The following RUVBL1 variants were observed in gnomAD, a reference collection of about 807,000 sequenced individuals.
The protein encoded by RUVBL1 is ruvB-like 1.
In RUVBL1, 4 loss-of-function variants were observed where a neutral mutation model predicts 52.4. That is an observed-to-expected ratio of 0.08 (90% CI 0.04 to 0.17). The LOEUF (loss-of-function observed/expected upper bound fraction) is 0.17, where lower values mean the gene tolerates loss of function less well. Ranked by LOEUF, RUVBL1 falls within the 10% of genes least tolerant of loss-of-function variation. The pLI is 1.00. For missense variants in RUVBL1, 298 were observed against 572.8 expected, an observed-to-expected ratio of 0.52 and a Z score of 4.90; for synonymous variants, 217 against 214.4, an observed-to-expected ratio of 1.01 and a Z score of -0.10.
At position 128,082,951 on chromosome 3, in the gene RUVBL1, C is replaced by G. The variant is rs1942524672; in HGVS notation, c.1120-377G>C. On this transcript the variant is annotated intron_variant, in intron 9 of 10. Coordinates refer to ENST00000322623, the MANE Select transcript of RUVBL1 (RefSeq NM_003707.3). The surrounding 1 kb of genome is among the most constrained non-coding windows in gnomAD (Gnocchi z 4.7). Reference sequence around the variant, plus strand: ...CCTACCCGGGGCTCCTGCAAGGGCTCTAACCTTCCTCTCCAGCATGGGCAC... The same window carrying G: ...CCTACCCGGGGCTCCTGCAAGGGCTGTAACCTTCCTCTCCAGCATGGGCAC... The G allele has an allele frequency of 5.8e-6, 1 of 172,158 alleles. No homozygotes were observed. Among genetic ancestry groups the G allele is most frequent in the African/African-American group, 2.4e-5 (1 of 41,812 alleles). 10.7% of individuals were successfully genotyped at this position (172,158 alleles called of 1,614,324 possible). A position where few individuals can be genotyped will look rare whatever the true frequency, so the allele number is the denominator to read the frequency against.
At chr3:128,069,391 C>A (rs1047206060) in intron 9 of RUVBL1, 4 of 1,312,506 alleles carry the variant, frequency 3.0e-6, no homozygotes, top group Non-Finnish European at 4.2e-6. Flanking sequence ...GCATTAGGTC[C>A]CAAAGTCTCA....
At chr3:128,148,420 C>G (rs1944135790) in intron 1 of RUVBL1, among the ~76,000 whole-genome samples, 1 of 152,154 alleles carries the variant, frequency 6.6e-6, no homozygotes, top group Admixed American at 6.5e-5. Context: ...TGGGAGGATG[C>G]AGTTCTCATT....
In RUVBL1 at chr3:128,067,022, G is replaced by C; in HGVS notation, c.940-1802C>G. The C allele has an allele frequency of 6.2e-7, 1 of 1,614,208 alleles. No individual in the cohort carries two copies. Among genetic ancestry groups the C allele is most frequent in the Non-Finnish European group, 8.5e-7 (1 of 1,180,038 alleles). ...GCCAGTACAACACCTATCCCATCAA[G>C]CTCTTCTATACGTCCAACATCCCCA... On this transcript the variant is annotated intron_variant, in intron 9 of 9. Transcript: ENST00000464873. This position sits in a 1 kb window ranked among gnomAD's most constrained non-coding sequence, Gnocchi z 4.1.
At chr3:128,147,013 A>T (rs932420441) in intron 1 of RUVBL1, among the ~76,000 whole-genome samples, 1 of 152,212 alleles carries the variant, frequency 6.6e-6, no homozygotes, top group Non-Finnish European at 1.5e-5. Flanking sequence ...CTAGTAAAAG[A>T]ACAGCTTCAG....
chr3:128,091,299 G>T (rs1320515437), intron 8 of RUVBL1, among the ~76,000 whole-genome samples: 2 of 142,840 alleles, frequency 1.4e-5, no homozygotes, highest in African/African-American at 5.4e-5. Context: ...GGAGCTGGGG[G>T]AACGGGGGGT....
At chr3:128,153,391 G>T in exon 1 of RUVBL1, 1 of 1,391,226 alleles carries the variant, frequency 7.2e-7, no homozygotes, top group Non-Finnish European at 9.2e-7. Flanking sequence ...CTTCCGGGCC[G>T]GAACGGGTGT....
At chr3:128,152,607 C>A (rs1473852788) in intron 1 of RUVBL1, among the ~76,000 whole-genome samples, 1 of 151,730 alleles carries the variant, frequency 6.6e-6, no homozygotes, top group East Asian at 1.9e-4. Context: ...CCCAGCGGAA[C>A]CCACCAGGCA....
At chr3:128,146,020 C>T (rs924729505) in intron 1 of RUVBL1, among the ~76,000 whole-genome samples, 7 of 152,022 alleles carry the variant, frequency 4.6e-5, no homozygotes, top group African/African-American at 7.2e-5. Context: ...AGGTGATATG[C>T]GCAAAGGAGA....
At chr3:128,117,299 C>G (rs1576472782) in intron 2 of RUVBL1, among the ~76,000 whole-genome samples, 1 of 152,298 alleles carries the variant, frequency 6.6e-6, no homozygotes, top group Non-Finnish European at 1.5e-5. Context: ...AAACGAGAAG[C>G]TCTAGCCCAG....
In RUVBL1 at chr3:128,123,799, A is replaced by G. The variant is rs916781178; in HGVS notation, c.-75T>C. 1.3e-5 allele frequency: 20 copies of G among 1,490,336 alleles called. No homozygotes were observed. Among genetic ancestry groups the G allele is most frequent in the Non-Finnish European group, 1.8e-5 (20 of 1,111,672 alleles). The allele number at this position is 1,490,336 out of a possible 1,614,324, so 92.3% of individuals were successfully genotyped here. A position where few individuals can be genotyped will look rare whatever the true frequency, so the allele number is the denominator to read the frequency against. On this transcript the variant is annotated 5_prime_UTR_variant, in exon 1 of 11. The change abolishes an upstream ATG in the 5' untranslated region. Transcript: ENST00000322623. ...CAGTGCGCCCGGCGCCTGAGTTACC[A>G]TGCGGCCGTTACTAGGGCAATTTGC...
Position 128,082,272 on chromosome 3 carries a change from G to C in RUVBL1, c.1211+211C>G. The C allele has an allele frequency of 1.9e-6, 1 of 531,906 alleles. No homozygotes were observed. The allele number at this position is 531,906 out of a possible 1,614,324, so 32.9% of individuals were successfully genotyped here. On this transcript the variant is annotated intron_variant, in intron 10 of 10. Coordinates refer to ENST00000322623, the MANE Select transcript of RUVBL1 (RefSeq NM_003707.3). This position sits in a 1 kb window ranked among gnomAD's most constrained non-coding sequence, Gnocchi z 4.7. ...AGGGGAGCATCTGCTGCAGGACATG[G>C]GGACTTCACCCTTACTCTAGCTTGT...
intron 1 of RUVBL1, among the ~76,000 whole-genome samples, chr3:128,147,352 G>A (rs1238649289): frequency 1.3e-5 from 2 of 152,106 alleles, no homozygotes; most frequent in African/African-American, 2.4e-5. Flanking sequence ...TTACAGGCAT[G>A]AGCCACCACA....
chr3:128,099,974 G>A (rs1369834895), intron 6 of RUVBL1, among the ~76,000 whole-genome samples: 1 of 152,196 alleles, frequency 6.6e-6, no homozygotes, highest in Non-Finnish European at 1.5e-5. Context: ...GTTGGTCCAA[G>A]ATGAGTCTTC....
At chr3:128,114,770 C>T (rs1004487617) in intron 2 of RUVBL1, among the ~76,000 whole-genome samples, 3 of 152,186 alleles carry the variant, frequency 2.0e-5, no homozygotes, top group Admixed American at 1.3e-4. Flanking sequence ...CATGAAAGGG[C>T]ACAATGAGAG....
intron 8 of RUVBL1, among the ~76,000 whole-genome samples, chr3:128,091,412 T>C (rs1942836714): frequency 6.6e-6 from 1 of 152,226 alleles, no homozygotes; most frequent in Non-Finnish European, 1.5e-5. Flanking sequence ...GCAGATTTAT[T>C]CTTGCATCTT....
chr3:128,076,938 CGGCGCTGAT>C (rs1942346818), downstream of RUVBL1, among the ~76,000 whole-genome samples: 1 of 152,060 alleles, frequency 6.6e-6, no homozygotes, highest in South Asian at 2.1e-4. This position sits in a 1 kb window ranked among gnomAD's most constrained non-coding sequence, Gnocchi z 6.8. Context: ...GCGGCGCTGA[CGGCGCTGAT>C]CTGCGTGCTG....
intron 9 of RUVBL1, chr3:128,066,930 A>G (rs1200680171): frequency 1.2e-6 from 2 of 1,613,274 alleles, no homozygotes; most frequent in Admixed American, 3.3e-5. Context: ...AGTGAAGGGG[A>G]TTTGGTTCTG....
At chr3:128,125,351 GA>G (rs147783747), upstream of RUVBL1, among the ~76,000 whole-genome samples, 1 of 152,212 alleles carries the variant, frequency 6.6e-6, no homozygotes, top group African/African-American at 2.4e-5. Context: ...TCTAACATTT[GA>G]ATCTAGGTTT....
intron 1 of RUVBL1, among the ~76,000 whole-genome samples, chr3:128,146,786 CGT>C (rs904678782): frequency 6.0e-5 from 9 of 150,470 alleles, no homozygotes; most frequent in African/African-American, 1.2e-4. Context: ...TGCGTGTGCA[CGT>C]GTGTCCATGT....
Sources: gnomAD v4.1 joint callset for allele counts (sites outside exome capture counted in the v4.1 genomes callset) on GRCh38, gnomAD v4.1.1 for gene constraint, Gnocchi (gnomAD v3.1) non-coding constraint, MANE v1.5 for transcripts, NCBI Gene and HGNC (gene_info 2026-07-23, HGNC 2026-07-21) for gene names.